Variants in MACROD2 observed in about 807,000 individuals in gnomAD.
The protein encoded by MACROD2 is mono-ADP ribosylhydrolase 2, also known as ADP-ribose glycohydrolase MACROD2.
A neutral mutation model predicts 70.4 loss-of-function variants in MACROD2; 36 were observed. The ratio of observed to expected loss-of-function variants is 0.51; its 90% CI spans 0.39 to 0.68. The LOEUF is 0.68. MACROD2 is among the 30% of genes least tolerant of loss of function. The pLI, the probability that MACROD2 is intolerant of heterozygous loss-of-function variation, is 0.00. For synonymous variants in MACROD2, 172 were observed against 178.8 expected (o/e 0.96, Z 0.30); for missense variants, 496 against 538.4 (o/e 0.92, Z 0.78).
chr20:15,606,966 C>T (rs1404979603), intron 8 of MACROD2, among the ~76,000 whole-genome samples: 1 of 149,074 alleles, frequency 6.7e-6, no homozygotes, highest in Admixed American at 6.7e-5. Flanking sequence ...CGCACCATTG[C>T]ACTCCAGCCT....
chr20:14,248,802 A>T (rs1203980294), intron 3 of MACROD2, among the ~76,000 whole-genome samples: 1 of 152,106 alleles, frequency 6.6e-6, no homozygotes, highest in Non-Finnish European at 1.5e-5. Context: ...TACTCAACCC[A>T]TATTGGCATA....
chr20:14,687,871 T>C (rs1160182514), intron 5 of MACROD2, among the ~76,000 whole-genome samples: 1 of 152,208 alleles, frequency 6.6e-6, no homozygotes, highest in African/African-American at 2.4e-5. Flanking sequence ...AGGAAAGCAA[T>C]ATGAAAATGG....
intron 7 of MACROD2, among the ~76,000 whole-genome samples, chr20:15,468,449 G>T (rs2046923498): frequency 1.3e-5 from 2 of 152,122 alleles, no homozygotes; most frequent in Admixed American, 1.3e-4. Flanking sequence ...GTTGACTAGT[G>T]ATTTGCACCT....
In MACROD2 at chr20:15,986,715, T is replaced by C. The variant is rs368309666; in HGVS notation, c.986-12T>C. 9.4e-6 allele frequency: 15 copies of C among 1,600,974 alleles called. No homozygotes were observed. Among genetic ancestry groups the C allele is most frequent in the East Asian group, 2.2e-5 (1 of 44,806 alleles). On this transcript the variant is annotated splice_polypyrimidine_tract_variant and intron_variant, in intron 13 of 17. Coordinates refer to ENST00000684519, the MANE Select transcript of MACROD2 (RefSeq NM_001351661.2). The stretch of plus-strand genomic sequence containing the variant: ...CACATTTCTTTTATTTTTCAATCAC[T>C]GTTTTGAACAGGACAAGAGAATGAT...
intron 5 of MACROD2, among the ~76,000 whole-genome samples, chr20:15,167,866 ATTC>A (rs1445816046): frequency 1.3e-5 from 2 of 152,184 alleles, no homozygotes; most frequent in Admixed American, 1.3e-4. Flanking sequence ...ATTAGGTTGT[ATTC>A]TTCTTGAGAG....
At chr20:15,616,857 G>A (rs1226756824) in intron 8 of MACROD2, among the ~76,000 whole-genome samples, 1 of 152,168 alleles carries the variant, frequency 6.6e-6, no homozygotes, top group Non-Finnish European at 1.5e-5. Flanking sequence ...AGCTTCTCAT[G>A]TTACACATGG....
chr20:15,908,838 TCTTGCTTAG>T (rs2065188931), intron 10 of MACROD2, among the ~76,000 whole-genome samples: 1 of 152,238 alleles, frequency 6.6e-6, no homozygotes, highest in South Asian at 2.1e-4. Context: ...TTGACATTTC[TCTTGCTTAG>T]CTTTCCAAAC....
intron 3 of MACROD2, among the ~76,000 whole-genome samples, chr20:14,281,173 A>G (rs1238804732): frequency 1.3e-5 from 2 of 152,240 alleles, no homozygotes; most frequent in South Asian, 2.1e-4. Flanking sequence ...GAAACAAACC[A>G]AAGGCCCATC....
intron 8 of MACROD2, among the ~76,000 whole-genome samples, chr20:15,683,435 G>A (rs185407562): frequency 6.7e-4 from 102 of 152,156 alleles, no homozygotes; most frequent in Admixed American, 2.9e-3. Flanking sequence ...TTGCTCATTG[G>A]AAAATAGAAA....
chr20:15,661,500 G>A (rs1443799616), intron 8 of MACROD2, among the ~76,000 whole-genome samples: 1 of 152,180 alleles, frequency 6.6e-6, no homozygotes, highest in East Asian at 1.9e-4. Flanking sequence ...TCTCTCGAGA[G>A]TGAAAAGTCA....
intron 8 of MACROD2, among the ~76,000 whole-genome samples, chr20:15,686,093 T>C (rs559276598): frequency 1.1e-4 from 16 of 152,330 alleles, no homozygotes; most frequent in Non-Finnish European, 1.9e-4. Flanking sequence ...GTGGAAATGA[T>C]GAGTTGGCCC....
At chr20:15,103,840 A>G (rs905528723) in intron 5 of MACROD2, among the ~76,000 whole-genome samples, 2 of 152,134 alleles carry the variant, frequency 1.3e-5, no homozygotes, top group Admixed American at 1.3e-4. Flanking sequence ...GCAGAACTGA[A>G]TAAAGGGAAT....
At chr20:13,997,121 TA>T (rs1407483866) in intron 1 of MACROD2, among the ~76,000 whole-genome samples, 3 of 152,126 alleles carry the variant, frequency 2.0e-5, no homozygotes, top group African/African-American at 7.2e-5. Context: ...GATTTAATAA[TA>T]GAACCGAACA....
intron 7 of MACROD2, among the ~76,000 whole-genome samples, chr20:15,474,473 C>A (rs542033639): frequency 6.6e-6 from 1 of 152,078 alleles, no homozygotes; most frequent in South Asian, 2.1e-4. Flanking sequence ...GATCTTCTCT[C>A]AACCTCTAAT....
At chr20:15,900,343 A>G (rs1031636025) in intron 10 of MACROD2, among the ~76,000 whole-genome samples, 5 of 152,330 alleles carry the variant, frequency 3.3e-5, no homozygotes, top group East Asian at 1.9e-4. Context: ...GTAAATTTCC[A>G]TGGTGAAAAA....
intron 5 of MACROD2, among the ~76,000 whole-genome samples, chr20:14,986,144 C>T (rs55811960): frequency 0.033 from 5,051 of 152,230 alleles, 282 homozygotes; most frequent in African/African-American, 0.11. Flanking sequence ...AGACATGGCA[C>T]CTGGCCCAGT....
chr20:14,676,074 C>G (rs542400283), intron 4 of MACROD2, among the ~76,000 whole-genome samples: 1 of 152,242 alleles, frequency 6.6e-6, no homozygotes, highest in East Asian at 1.9e-4. Flanking sequence ...TACAAAGAGA[C>G]TTAGACTCCC....
intron 3 of MACROD2, among the ~76,000 whole-genome samples, chr20:14,146,813 G>A: frequency 6.6e-6 from 1 of 152,126 alleles, no homozygotes; most frequent in Admixed American, 6.5e-5. Context: ...CTTGCTGGAC[G>A]GGAGGTAGAG....
At position 14,810,135 on chromosome 20, in the gene MACROD2, C is replaced by T. The variant is rs150634970; in HGVS notation, c.418+125176C>T. ...CCAAAACCTGGCAGAGACACAACAA[C>T]GACAAAATAATTTCAGGCCAATATC... On this transcript the variant is annotated intron_variant, in intron 5 of 17. Transcript: ENST00000684519. 1.8e-4 allele frequency among the ~76,000 whole-genome samples: 27 copies of T among 151,936 alleles called. No individual in the cohort carries two copies. The East Asian group carries it at 1.9e-3, about 11-fold the overall frequency.
Sources: allele counts gnomAD v4.1 joint callset (sites outside exome capture counted in the v4.1 genomes callset), GRCh38; gene constraint gnomAD v4.1.1; transcripts MANE v1.5; gene names NCBI Gene and HGNC (gene_info 2026-07-23, HGNC 2026-07-21).